ATP2B1: variants seen among roughly 807,000 people sequenced by gnomAD.
ATP2B1 encodes ATPase plasma membrane Ca2+ transporting 1.
ATP2B1 carries 14 observed loss-of-function variants against 124.2 expected under a neutral mutation model. That is an observed-to-expected ratio of 0.11 (90% CI 0.07 to 0.18). The LOEUF is 0.18. ATP2B1 is among the 10% of genes least tolerant of loss of function. The probability of loss-of-function intolerance (pLI) is 1.00; values close to 1 mark genes in which losing one functional copy is unlikely to be tolerated. For missense variants in ATP2B1, 763 were observed against 1,466.1 expected (o/e 0.52, Z 7.83); for synonymous variants, 449 against 492.4 (o/e 0.91, Z 1.17).
intron 6 of ATP2B1, among the ~76,000 whole-genome samples, chr12:89,628,397 G>A (rs1482213711): frequency 5.4e-5 from 6 of 112,066 alleles, no homozygotes; most frequent in Admixed American, 1.1e-4. Flanking sequence ...GTGAGACTCC[G>A]TCTCAAAAAA....
At chr12:89,656,435 A>G (rs1885963616) in intron 1 of ATP2B1, among the ~76,000 whole-genome samples, 1 of 152,192 alleles carries the variant, frequency 6.6e-6, no homozygotes, top group Admixed American at 6.5e-5. Flanking sequence ...TCACTTAATC[A>G]TTACAATTTA....
At chr12:89,648,961 G>T (rs1448411672) in intron 2 of ATP2B1, among the ~76,000 whole-genome samples, 2 of 152,232 alleles carry the variant, frequency 1.3e-5, no homozygotes, top group South Asian at 2.1e-4. Flanking sequence ...TTCCTATGTG[G>T]TATTAAATTT....
intron 1 of ATP2B1, among the ~76,000 whole-genome samples, chr12:89,699,637 T>C (rs956828684): frequency 6.6e-6 from 1 of 152,172 alleles, no homozygotes; most frequent in Non-Finnish European, 1.5e-5. Flanking sequence ...CAAGTGGGCT[T>C]TTTAGTGGTG....
intron 2 of ATP2B1, 86 bp from the exon 3 acceptor site, chr12:89,642,441 C>G: frequency 1.5e-5 from 19 of 1,225,966 alleles, no homozygotes; most frequent in Non-Finnish European, 2.2e-5. Context: ...CTCAACTCAT[C>G]ACTCTAGACC....
chr12:89,605,907 G>C (rs928648077), intron 15 of ATP2B1, among the ~76,000 whole-genome samples: 2 of 152,144 alleles, frequency 1.3e-5, no homozygotes, highest in African/African-American at 4.8e-5. Context: ...TCTGATGTAT[G>C]AAACAGAGAA....
intron 18 of ATP2B1, among the ~76,000 whole-genome samples, chr12:89,602,715 G>C (rs973438365): frequency 1.3e-5 from 2 of 151,216 alleles, no homozygotes; most frequent in African/African-American, 4.9e-5. Flanking sequence ...TCTTTTTTTT[G>C]GTATAATGTG....
At chr12:89,695,630 G>C (rs1433442648) in intron 1 of ATP2B1, among the ~76,000 whole-genome samples, 1 of 151,498 alleles carries the variant, frequency 6.6e-6, no homozygotes, top group African/African-American at 2.4e-5. Context: ...AACTTCTGAA[G>C]TTTTCTCCTC....
rs1382996594 is a variant in ATP2B1 at position 89,616,317 on chromosome 12, C to T, written c.2067+485G>A. Among the ~76,000 whole-genome samples the T allele has an allele frequency of 2.0e-5, 3 of 152,018 alleles. No individual in the cohort carries two copies. In the East Asian group the frequency reaches 5.8e-4, roughly 29 times the overall value. On this transcript the variant is annotated intron_variant, in intron 12 of 20. Coordinates refer to ENST00000428670, the MANE Select transcript of ATP2B1 (RefSeq NM_001366521.1). Reference sequence around the variant, plus strand: ...TGCCATCCAATATGACAACTACTAGCAAGATATTTTAATTTGAATTAAATA... The same window carrying T: ...TGCCATCCAATATGACAACTACTAGTAAGATATTTTAATTTGAATTAAATA...
In ATP2B1 at chr12:89,603,632, T is replaced by G; in HGVS notation, c.2848+80A>C. 4 of 1,441,298 alleles carry G rather than the reference T, an allele frequency of 2.8e-6. No individual in the cohort carries two copies. Among genetic ancestry groups the G allele is most frequent in the Non-Finnish European group, 3.8e-6 (4 of 1,044,600 alleles). The allele number at this position is 1,441,298 out of a possible 1,614,324, so 89.3% of individuals were successfully genotyped here. ...GAGTAGAATTTAGGCTCTTGAAAAT[T>G]TGTAACATTATAACATCTTGGATGA... On this transcript the variant is annotated intron_variant, in intron 17 of 20. Transcript: ENST00000428670. The surrounding 1 kb of genome is among the most constrained non-coding windows in gnomAD (Gnocchi z 4.3).
intron 1 of ATP2B1, among the ~76,000 whole-genome samples, chr12:89,660,896 T>G (rs367753695): frequency 6.6e-6 from 1 of 152,194 alleles, no homozygotes; most frequent in Non-Finnish European, 1.5e-5. Context: ...AGTATATGAT[T>G]TGATATACTG....
rs138467725 is a variant in ATP2B1 at position 89,609,677 on chromosome 12, A to C, written c.2442+260T>G. Among the ~76,000 whole-genome samples the C allele has an allele frequency of 2.0e-3, 303 of 152,330 alleles. 1 individual carries two copies. The highest frequency in any genetic ancestry group is 7.1e-3 in the African/African-American group (294 of 41,576). ...TCAGTTGAGTTGACAGACATTAAAAAATTAACAGAATACAAAGCCAACATA... is the reference window on the plus strand; with the variant it reads ...TCAGTTGAGTTGACAGACATTAAAACATTAACAGAATACAAAGCCAACATA... On this transcript the variant is annotated intron_variant, in intron 15 of 20. Coordinates refer to ENST00000428670, the MANE Select transcript of ATP2B1 (RefSeq NM_001366521.1).
chr12:89,698,396 T>G (rs564378473), intron 1 of ATP2B1, among the ~76,000 whole-genome samples: 1 of 152,302 alleles, frequency 6.6e-6, no homozygotes, highest in Admixed American at 6.5e-5. Flanking sequence ...ACATACTGTA[T>G]GATTCCATGT....
At chr12:89,638,289 ACT>A (rs1379208592) in intron 3 of ATP2B1, among the ~76,000 whole-genome samples, 30 of 152,186 alleles carry the variant, frequency 2.0e-4, no homozygotes, top group Admixed American at 2.0e-3. Flanking sequence ...TTCAGTCAAT[ACT>A]CTCTACCACA....
intron 1 of ATP2B1, among the ~76,000 whole-genome samples, chr12:89,678,934 C>A (rs545969359): frequency 6.8e-4 from 104 of 152,228 alleles, no homozygotes; most frequent in Non-Finnish European, 1.0e-3. Flanking sequence ...TCCTCTGTTG[C>A]TGAAGCATCT....
intron 2 of ATP2B1, among the ~76,000 whole-genome samples, chr12:89,644,510 G>T (rs1248824749): frequency 6.7e-6 from 1 of 148,520 alleles, no homozygotes; most frequent in Non-Finnish European, 1.5e-5. Context: ...GGGCAATACG[G>T]AAAGTATTTT....
At position 89,603,705 on chromosome 12, in the gene ATP2B1, T is replaced by G; in HGVS notation, c.2848+7A>C. 1 of 1,607,344 alleles carries G rather than the reference T, an allele frequency of 6.2e-7. No individual in the cohort carries two copies. Among genetic ancestry groups the G allele is most frequent in the Non-Finnish European group, 8.5e-7 (1 of 1,173,876 alleles). The stretch of plus-strand genomic sequence containing the variant: ...AACTGAAGCTTTATTAGACACTGAA[T>G]TCTTACCAGCAAATAAGAGTGTAAA... On this transcript the variant is annotated splice_region_variant and intron_variant, in intron 17 of 20. Transcript: ENST00000428670. This position sits in a 1 kb window ranked among gnomAD's most constrained non-coding sequence, Gnocchi z 4.3.
At chr12:89,677,971 T>TATATACACAC (rs1461216851) in intron 1 of ATP2B1, among the ~76,000 whole-genome samples, 3 of 52,308 alleles carry the variant, frequency 5.7e-5, no homozygotes, top group Non-Finnish European at 1.2e-4. Flanking sequence ...TATATATATA[T>TATATACACAC]ACACACACAC....
intron 1 of ATP2B1, among the ~76,000 whole-genome samples, chr12:89,697,064 CAAAA>C (rs59301153): frequency 3.0e-4 from 34 of 114,218 alleles, no homozygotes; most frequent in Non-Finnish European, 4.8e-4. Flanking sequence ...CTACTTCCTT[CAAAA>C]AAAAAAAAAA....
chr12:89,661,151 G>A (rs562031963), intron 1 of ATP2B1, among the ~76,000 whole-genome samples: 38 of 152,252 alleles, frequency 2.5e-4, no homozygotes, highest in African/African-American at 8.2e-4. Context: ...AGAAGTCAAT[G>A]TGTACCATCT....
Sources: allele counts gnomAD v4.1 joint callset (sites outside exome capture counted in the v4.1 genomes callset), GRCh38; gene constraint gnomAD v4.1.1; non-coding constraint Gnocchi (gnomAD v3.1); transcripts MANE v1.5; gene names NCBI Gene and HGNC (gene_info 2026-07-23, HGNC 2026-07-21).